The following MAP3K3 variants were observed in gnomAD, a reference collection of about 807,000 sequenced individuals.
MAP3K3 encodes MAP/ERK kinase kinase 3.
Under a neutral mutation model 80.9 loss-of-function variants are expected in MAP3K3, and 12 were observed. The observed-to-expected ratio is 0.15, with a 90% CI of 0.10 to 0.24. The LOEUF (loss-of-function observed/expected upper bound fraction) is 0.24. Ranked by LOEUF, MAP3K3 falls within the 10% of genes least tolerant of loss-of-function variation. The pLI is 1.00. For synonymous variants in MAP3K3, 272 were observed against 307.1 expected (o/e 0.89, Z 1.19); for missense variants, 596 against 834.7 (o/e 0.71, Z 3.52).
intron 3 of MAP3K3, among the ~76,000 whole-genome samples, 154 bp downstream of exon 3, chr17:63,646,228 C>G (rs1183484511): frequency 6.6e-6 from 1 of 152,180 alleles, no homozygotes; most frequent in African/African-American, 2.4e-5. Context: ...AAGTTTCACC[C>G]TTGTCTTGGC....
At chr17:63,634,913 G>T (rs920454792) in intron 2 of MAP3K3, 42 of 943,856 alleles carry the variant, frequency 4.4e-5, no homozygotes, top group Non-Finnish European at 6.4e-5. Context: ...TTTGTAAAAA[G>T]CATTGGTTAC....
Position 63,657,837 on chromosome 17 carries a change from T to C in MAP3K3, c.311T>C (p.Ile104Thr), listed in dbSNP as rs769154360. The C allele has an allele frequency of 8.1e-6, 13 of 1,608,664 alleles. No individual in the cohort carries two copies. The highest frequency in any genetic ancestry group is 6.7e-5 in the Admixed American group (4 of 59,638). Residue 104 changes from isoleucine to threonine, a missense_variant, in exon 5 of 16, where the codon ATT (isoleucine) becomes ACT (threonine). Ile to Thr is a moderately conservative substitution (Grantham distance 89, BLOSUM62 -1). Around this residue, in one of 2 missense-constraint regions of MAP3K3, gnomAD observed 232 missense variants for 245.8 expected, o/e 0.94. Coordinates refer to ENST00000361733, the MANE Select transcript of MAP3K3 (RefSeq NM_002401.5). ...LKNQDDLDKA[I>T]DILDRSSSMK... is the part of the protein sequence containing the mutation. ...AACCAAGATGATCTTGATAAAGCAA[T>C]TGACATTTTAGATAGAAGCTCAAGC...
chr17:63,675,888 T>A (rs2035209606), intron 6 of MAP3K3, among the ~76,000 whole-genome samples: 1 of 152,280 alleles, frequency 6.6e-6, no homozygotes. Flanking sequence ...GGCTCATTGC[T>A]ATCACTGCTG....
chr17:63,687,803 T>C (rs1171347848), intron 8 of MAP3K3, among the ~76,000 whole-genome samples: 1 of 151,258 alleles, frequency 6.6e-6, no homozygotes, highest in Admixed American at 6.6e-5. Flanking sequence ...TCTTGGCCAG[T>C]GGCGCGTGCC....
intron 8 of MAP3K3, chr17:63,688,258 G>A (rs1598121138): frequency 5.7e-6 from 3 of 528,396 alleles, no homozygotes; most frequent in East Asian, 6.8e-5. Context: ...GGGAAGAAAG[G>A]CCAAGGAGGG....
Position 63,693,434 on chromosome 17 carries a change from G to T in MAP3K3, c.1653-115G>T. The T allele has an allele frequency of 1.2e-6, 1 of 834,788 alleles. No individual in the cohort carries two copies. Among genetic ancestry groups the T allele is most frequent in the Non-Finnish European group, 1.9e-6 (1 of 526,070 alleles). The allele number at this position is 834,788 out of a possible 1,614,324, so 51.7% of individuals were successfully genotyped here. A position where few individuals can be genotyped will look rare whatever the true frequency, so the allele number is the denominator to read the frequency against. The stretch of plus-strand genomic sequence containing the variant: ...TCCAAGCTGAGGTATCCCTCAGCTT[G>T]GCCTGTCCTGCACCTCAGCTTGCTG... On this transcript the variant is annotated intron_variant, in intron 15 of 15. Coordinates refer to ENST00000361733, the MANE Select transcript of MAP3K3 (RefSeq NM_002401.5). The surrounding 1 kb of genome is among the most constrained non-coding windows in gnomAD (Gnocchi z 4.2).
intron 1 of MAP3K3, 34 bp downstream of exon 1, chr17:63,622,797 G>A: frequency 4.2e-6 from 2 of 481,272 alleles, no homozygotes; most frequent in East Asian, 5.9e-5. Flanking sequence ...CTGTGCCCGC[G>A]CTGCTTCGCG....
chr17:63,687,792 A>T (rs911858736), intron 8 of MAP3K3, among the ~76,000 whole-genome samples: 2 of 143,250 alleles, frequency 1.4e-5, no homozygotes, highest in African/African-American at 2.7e-5. Flanking sequence ...GATCGAGACC[A>T]TCTTGGCCAG....
rs1236889318 is a variant in MAP3K3, at chr17:63,689,125, A to T, written c.871+244A>T. The T allele has an allele frequency of 1.5e-5, 9 of 581,112 alleles. No individual in the cohort carries two copies. In the South Asian group the frequency reaches 1.8e-4, roughly 12 times the overall value. 36.0% of individuals were successfully genotyped at this position (581,112 alleles called of 1,614,324 possible). A position where few individuals can be genotyped will look rare whatever the true frequency, so the allele number is the denominator to read the frequency against. On this transcript the variant is annotated intron_variant, in intron 10 of 15. Transcript: ENST00000361733. This position sits in a 1 kb window ranked among gnomAD's most constrained non-coding sequence, Gnocchi z 4.3. Reference sequence around the variant, plus strand: ...GAAGCCAGTGGTGTGCTCCAGGGGCACCATCTCTCCCATGTCCTCTTCTGC... The same window carrying T: ...GAAGCCAGTGGTGTGCTCCAGGGGCTCCATCTCTCCCATGTCCTCTTCTGC...
chr17:63,637,597 G>A (rs1878065118), intron 2 of MAP3K3, among the ~76,000 whole-genome samples: 1 of 152,232 alleles, frequency 6.6e-6, no homozygotes, highest in Admixed American at 6.5e-5. Context: ...TTCTGGCACT[G>A]CAGGTGTGAG....
chr17:63,689,308 T>A lies in MAP3K3; in HGVS notation c.872-236T>A, dbSNP rs2035531205. ...CCAGATCTCCCTGAACCAGACTACT[T>A]CCTAATTTCTGCTTTTGTCCTGATT... On this transcript the variant is annotated intron_variant, in intron 10 of 15. Coordinates refer to ENST00000361733, the MANE Select transcript of MAP3K3 (RefSeq NM_002401.5). This position sits in a 1 kb window ranked among gnomAD's most constrained non-coding sequence, Gnocchi z 4.3. 1.8e-6 allele frequency: 1 copy of A among 564,864 alleles called. No homozygotes were observed. 35.0% of individuals were successfully genotyped at this position (564,864 alleles called of 1,614,324 possible).
intron 4 of MAP3K3, among the ~76,000 whole-genome samples, chr17:63,654,044 T>C (rs978092389): frequency 2.6e-5 from 4 of 152,130 alleles, no homozygotes; most frequent in African/African-American, 9.7e-5. Context: ...TTTTTTTGTA[T>C]TTTTTATGGA....
intron 2 of MAP3K3, among the ~76,000 whole-genome samples, chr17:63,641,162 C>T (rs970621304): frequency 6.6e-6 from 1 of 152,006 alleles, no homozygotes; most frequent in East Asian, 1.9e-4. Context: ...TTGATAATTC[C>T]GTAAATTGGA....
Position 63,691,799 on chromosome 17 carries a change from C to A in MAP3K3, c.1411C>A (p.Arg471=). 6.2e-7 allele frequency: 1 copy of A among 1,614,134 alleles called. No individual in the cohort carries two copies. The highest frequency in any genetic ancestry group is 1.1e-5 in the South Asian group (1 of 91,084). Residue 471 remains arginine (R), a synonymous_variant, in exon 14 of 16, where the codon CGG becomes AGG. Coordinates refer to ENST00000361733, the MANE Select transcript of MAP3K3 (RefSeq NM_002401.5). The surrounding 1 kb of genome is among the most constrained non-coding windows in gnomAD (Gnocchi z 4.8). ...AGAGAGCGTGACCCGAAAGTACACGCGGCAGATCCTGGAGGGCATGTCCTA... is the reference window on the plus strand; with the variant it reads ...AGAGAGCGTGACCCGAAAGTACACGAGGCAGATCCTGGAGGGCATGTCCTA... ...LTESVTRKYT[R]QILEGMSYLH...
intron 2 of MAP3K3, among the ~76,000 whole-genome samples, chr17:63,645,169 T>G (rs1054746601): frequency 2.0e-5 from 3 of 152,180 alleles, no homozygotes; most frequent in African/African-American, 7.2e-5. Flanking sequence ...TGCCTGGCAC[T>G]GGGGATATAG....
At chr17:63,636,950 AG>A in intron 2 of MAP3K3, 8 of 592,216 alleles carry the variant, frequency 1.4e-5, no homozygotes, top group East Asian at 4.5e-5. Flanking sequence ...GGGCTGGTCT[AG>A]GGGGGCCTCC....
intron 5 of MAP3K3, among the ~76,000 whole-genome samples, chr17:63,660,213 T>A (rs1733259549): frequency 1.3e-5 from 2 of 152,164 alleles, no homozygotes; most frequent in Admixed American, 1.3e-4. Context: ...ATTTCCCTTT[T>A]TTTTTGAGAT....
rs906013073 is a variant in MAP3K3 at position 63,695,703 on chromosome 17, G to C, written c.*1926G>C. ...CCAAGAGGATACAGAGCACGGTGCT[G>C]GCTGACTCAACTGTGCGTCCCAGGT... On this transcript the variant is annotated 3_prime_UTR_variant, in exon 16 of 16. Coordinates refer to ENST00000361733, the MANE Select transcript of MAP3K3 (RefSeq NM_002401.5). This position sits in a 1 kb window ranked among gnomAD's most constrained non-coding sequence, Gnocchi z 4.1. 1 of 152,594 alleles carries C rather than the reference G, an allele frequency of 6.6e-6. No individual in the cohort carries two copies. Among genetic ancestry groups the C allele is most frequent in the African/African-American group, 2.4e-5 (1 of 41,424 alleles). The allele number at this position is 152,594 out of a possible 1,614,324, so 9.5% of individuals were successfully genotyped here. A position where few individuals can be genotyped will look rare whatever the true frequency, so the allele number is the denominator to read the frequency against.
chr17:63,687,389 G>T (rs1232136758), intron 8 of MAP3K3, among the ~76,000 whole-genome samples: 1 of 151,186 alleles, frequency 6.6e-6, no homozygotes, highest in South Asian at 2.1e-4. Context: ...GGCAGGCGCC[G>T]TAATCCCAGC....
Sources: allele counts gnomAD v4.1 joint callset (sites outside exome capture counted in the v4.1 genomes callset), GRCh38; gene constraint gnomAD v4.1.1; regional missense constraint gnomAD v4.1.1; non-coding constraint Gnocchi (gnomAD v3.1); transcripts MANE v1.5; gene names NCBI Gene and HGNC (gene_info 2026-07-23, HGNC 2026-07-21).